The following SNX29 variants were observed in gnomAD, a reference collection of about 807,000 sequenced individuals.
SNX29 encodes the protein sorting nexin 29.
A neutral mutation model predicts 102.1 loss-of-function variants in SNX29; 78 were observed. The observed-to-expected ratio is 0.76, with a 90% CI of 0.64 to 0.92. The LOEUF is 0.92. SNX29 is among the 40% of genes least tolerant of loss of function. The pLI, the probability that SNX29 is intolerant of heterozygous loss-of-function variation, is 0.00. For missense variants in SNX29, 1,280 were observed against 1,061.7 expected (o/e 1.21, Z -2.86); for synonymous variants, 580 against 414.5 (o/e 1.40, Z -4.85).
chr16:12,087,613 T>C (rs2151383649), intron 11 of SNX29: 1 of 344,076 alleles, frequency 2.9e-6, no homozygotes, highest in Non-Finnish European at 5.8e-6. Flanking sequence ...TTTAAGGTAA[T>C]GATTAGTACT....
At chr16:12,235,926 A>G (rs182271044) in intron 14 of SNX29, among the ~76,000 whole-genome samples, 1 of 152,272 alleles carries the variant, frequency 6.6e-6, no homozygotes, top group Admixed American at 6.5e-5. Flanking sequence ...TTCAGAAATG[A>G]ATAGCAACTT....
chr16:12,052,403 G>A (rs1224961146), intron 8 of SNX29, 181 bp downstream of exon 8: 12 of 582,916 alleles, frequency 2.1e-5, no homozygotes, highest in Non-Finnish European at 3.5e-5. Context: ...TTTTAGTAGA[G>A]ATGGGGTTTC....
chr16:12,516,580 A>C (rs1433098640), intron 19 of SNX29, among the ~76,000 whole-genome samples: 1 of 151,864 alleles, frequency 6.6e-6, no homozygotes, highest in African/African-American at 2.4e-5. Context: ...AGAATTCTCT[A>C]GCCAGTGACA....
chr16:12,350,129 T>C (rs1176437377), intron 15 of SNX29, among the ~76,000 whole-genome samples: 1 of 152,192 alleles, frequency 6.6e-6, no homozygotes, highest in Admixed American at 6.5e-5. Context: ...GCCGTGTGTG[T>C]GTGGCACTTG....
Position 12,069,068 on chromosome 16 carries a change from G to A in SNX29, c.1255G>A (p.Gly419Arg), listed in dbSNP as rs775163969. Reference sequence around the variant, plus strand: ...CTCTCTCTGCACAGATGCCCCCCTCGGAAGCCTGGAGAACGGGACAGGACC... The same window carrying A: ...CTCTCTCTGCACAGATGCCCCCCTCAGAAGCCTGGAGAACGGGACAGGACC... ...GSYSPADAPL[G>R]SLENGTGPED... Residue 419 changes from glycine to arginine, a missense_variant, in exon 10 of 21, where the codon GGA (glycine) becomes AGA (arginine). Coordinates refer to ENST00000566228, the MANE Select transcript of SNX29 (RefSeq NM_032167.5). 4.1e-5 allele frequency: 66 copies of A among 1,613,686 alleles called. No individual in the cohort carries two copies. Among genetic ancestry groups the A allele is most frequent in the Non-Finnish European group, 5.2e-5 (61 of 1,179,824 alleles).
At position 12,015,240 on chromosome 16, in the gene SNX29, T is replaced by G. The variant is rs575644028; in HGVS notation, c.123-12080T>G. ...CTGAAACATTTCCAAGTTATAGTTCTTTTTTTTTAATTTTTTATATTTTTT... is the reference window on the plus strand; with the variant it reads ...CTGAAACATTTCCAAGTTATAGTTCGTTTTTTTTAATTTTTTATATTTTTT... On this transcript the variant is annotated intron_variant, in intron 3 of 20. Coordinates refer to ENST00000566228, the MANE Select transcript of SNX29 (RefSeq NM_032167.5). Among the ~76,000 whole-genome samples the G allele has an allele frequency of 2.0e-4, 30 of 151,554 alleles. 2 individuals carry two copies. The South Asian group carries it at 5.0e-3, about 25-fold the overall frequency.
At chr16:12,141,888 C>A (rs193045186) in intron 13 of SNX29, among the ~76,000 whole-genome samples, 1 of 152,170 alleles carries the variant, frequency 6.6e-6, no homozygotes, top group Non-Finnish European at 1.5e-5. Context: ...CCCATCTCAT[C>A]CTGTGACTAG....
chr16:12,403,202 ATGTGTGTGTGTGTGTGTGTGTGTGTG>A lies in SNX29; in HGVS notation c.1956-218_1956-193del, dbSNP rs67193889. ...ATTCCGGAGTACAGATTGTGTGTGT[ATGTGTGTGTGTGTGTGTGTGTGTGTG>A]TGTGTGTGTGTGTGTGTGTGTGTGT... On this transcript the variant is annotated intron_variant, in intron 17 of 20. Coordinates refer to ENST00000566228, the MANE Select transcript of SNX29 (RefSeq NM_032167.5). Among the ~76,000 whole-genome samples, 7 of 70,882 alleles carry A rather than the reference ATGTGTGTGTGTGTGTGTGTGTGTGTG, an allele frequency of 9.9e-5. No homozygotes were observed. In the South Asian group the frequency reaches 2.2e-3, roughly 23 times the overall value. 46.5% of individuals were successfully genotyped at this position (70,882 alleles called of 152,430 possible).
intron 19 of SNX29, among the ~76,000 whole-genome samples, chr16:12,523,944 T>C (rs1199332708): frequency 6.6e-6 from 1 of 152,108 alleles, no homozygotes; most frequent in African/African-American, 2.4e-5. Flanking sequence ...TGGAGTGCAA[T>C]GGTGCCATCT....
chr16:12,274,653 C>T (rs1463985617), intron 14 of SNX29, among the ~76,000 whole-genome samples: 2 of 152,058 alleles, frequency 1.3e-5, no homozygotes, highest in Non-Finnish European at 2.9e-5. Flanking sequence ...CCTTCCACCT[C>T]AGCCTCCCGA....
intron 20 of SNX29, among the ~76,000 whole-genome samples, chr16:12,564,495 C>G (rs1008809920): frequency 1.3e-5 from 2 of 152,210 alleles, no homozygotes; most frequent in South Asian, 2.1e-4. Flanking sequence ...TCTAGAGTGT[C>G]TTAACAGAAG....
chr16:12,445,970 C>T (rs1370138065), intron 18 of SNX29, among the ~76,000 whole-genome samples: 1 of 152,014 alleles, frequency 6.6e-6, no homozygotes, highest in Non-Finnish European at 1.5e-5. Flanking sequence ...GGTGGAGCTC[C>T]CGAGTCCACG....
intron 18 of SNX29, among the ~76,000 whole-genome samples, chr16:12,465,575 T>G (rs2151771703): frequency 6.6e-6 from 1 of 152,334 alleles, no homozygotes; most frequent in Non-Finnish European, 1.5e-5. Context: ...TATGTGTCTG[T>G]TTTTAATGAC....
At chr16:12,425,914 A>C (rs2085058593) in intron 18 of SNX29, among the ~76,000 whole-genome samples, 1 of 152,134 alleles carries the variant, frequency 6.6e-6, no homozygotes, top group South Asian at 2.1e-4. Flanking sequence ...TGTTTTCTGC[A>C]GGGCTAACCT....
At chr16:12,021,446 A>G (rs1259662649) in intron 3 of SNX29, among the ~76,000 whole-genome samples, 1 of 152,002 alleles carries the variant, frequency 6.6e-6, no homozygotes, top group East Asian at 1.9e-4. Flanking sequence ...AATCAAGTAA[A>G]TAGGTCTTTC....
chr16:12,544,054 G>T (rs999706556), intron 20 of SNX29, among the ~76,000 whole-genome samples: 3 of 152,180 alleles, frequency 2.0e-5, no homozygotes, highest in South Asian at 4.1e-4. Flanking sequence ...CAAAGCCACA[G>T]GAATCACATT....
intron 20 of SNX29, among the ~76,000 whole-genome samples, chr16:12,557,012 T>C (rs1166562870): frequency 7.7e-5 from 1 of 12,926 alleles, no homozygotes; most frequent in Non-Finnish European, 2.5e-4. Flanking sequence ...ATCTGGCTAA[T>C]TTACCCCCCC....
chr16:12,530,408 AT>A (rs2076899866), intron 20 of SNX29, among the ~76,000 whole-genome samples: 1 of 152,140 alleles, frequency 6.6e-6, no homozygotes, highest in Admixed American at 6.5e-5. Flanking sequence ...CAGAAAGAAG[AT>A]GAGGAAGTAA....
Position 12,098,346 on chromosome 16 carries a change from C to T in SNX29, c.1402+19431C>T, listed in dbSNP as rs931347838. 5.9e-5 allele frequency among the ~76,000 whole-genome samples: 9 copies of T among 152,208 alleles called. No individual in the cohort carries two copies. The highest frequency in any genetic ancestry group is 1.4e-4 in the African/African-American group (6 of 41,454). On this transcript the variant is annotated intron_variant, in intron 11 of 20. Coordinates refer to ENST00000566228, the MANE Select transcript of SNX29 (RefSeq NM_032167.5). This position sits in a 1 kb window ranked among gnomAD's most constrained non-coding sequence, Gnocchi z 6.0. ...GTAAAGGATTTCTCTTCCACTCCCA[C>T]ATCAGCCACCTTGCTCCCCGTCCAG...
Sources: gnomAD v4.1 joint callset for allele counts (sites outside exome capture counted in the v4.1 genomes callset) on GRCh38, gnomAD v4.1.1 for gene constraint, Gnocchi (gnomAD v3.1) non-coding constraint, MANE v1.5 for transcripts, NCBI Gene and HGNC (gene_info 2026-07-23, HGNC 2026-07-21) for gene names.